The following ATXN1 variants were observed in gnomAD, a reference collection of about 807,000 sequenced individuals.
The protein encoded by ATXN1 is ataxin 1.
In ATXN1, 8 loss-of-function variants were observed where a neutral mutation model predicts 56.4. The observed-to-expected ratio is 0.14, with a 90% CI of 0.08 to 0.26. ATXN1 has a LOEUF of 0.26. Among genes scored for constraint, ATXN1 ranks in the 10% least tolerant of loss-of-function variants. ATXN1 has a pLI of 1.00. For missense variants in ATXN1, 987 were observed against 1,106.5 expected, an observed-to-expected ratio of 0.89 and a Z score of 1.53; for synonymous variants, 514 against 494.6, an observed-to-expected ratio of 1.04 and a Z score of -0.52.
At chr6:16,513,669 G>C (rs1238816378) in intron 5 of ATXN1, among the ~76,000 whole-genome samples, 1 of 152,120 alleles carries the variant, frequency 6.6e-6, no homozygotes, top group Non-Finnish European at 1.5e-5. Context: ...GCCAAGTGGG[G>C]TCCTATGCCT....
intron 2 of ATXN1, among the ~76,000 whole-genome samples, chr6:16,723,729 C>A (rs923825839): frequency 1.3e-5 from 2 of 151,962 alleles, no homozygotes; most frequent in African/African-American, 4.8e-5. Flanking sequence ...CACTTCCTTA[C>A]TTAGAAGGAA....
At chr6:16,694,748 G>GA (rs1759125449) in intron 2 of ATXN1, among the ~76,000 whole-genome samples, 1 of 152,022 alleles carries the variant, frequency 6.6e-6, no homozygotes, top group South Asian at 2.1e-4. Context: ...CCTGATAAGA[G>GA]GGTCCTACTA....
At chr6:16,408,971 T>A (rs546460433) in intron 6 of ATXN1, among the ~76,000 whole-genome samples, 1 of 152,316 alleles carries the variant, frequency 6.6e-6, no homozygotes, top group East Asian at 1.9e-4. Flanking sequence ...AGGTGCTTCA[T>A]AAAAATTGGT....
At chr6:16,599,529 G>T (rs969632691) in intron 3 of ATXN1, among the ~76,000 whole-genome samples, 1 of 151,980 alleles carries the variant, frequency 6.6e-6, no homozygotes, top group Non-Finnish European at 1.5e-5. Flanking sequence ...TGGCCAACAT[G>T]CTGAAACCTT....
At chr6:16,524,075 C>T (rs1431640797) in intron 4 of ATXN1, among the ~76,000 whole-genome samples, 1 of 152,182 alleles carries the variant, frequency 6.6e-6, no homozygotes, top group Non-Finnish European at 1.5e-5. Context: ...ACAGCTTTCC[C>T]GCCCTTTTCA....
At chr6:16,454,401 T>C (rs762092214) in intron 6 of ATXN1, among the ~76,000 whole-genome samples, 5 of 152,190 alleles carry the variant, frequency 3.3e-5, no homozygotes, top group Non-Finnish European at 7.3e-5. Context: ...GGCAGCAGCA[T>C]AATTGCATAA....
At chr6:16,312,146 G>A (rs796172833) in intron 7 of ATXN1, among the ~76,000 whole-genome samples, 40 of 152,130 alleles carry the variant, frequency 2.6e-4, no homozygotes, top group African/African-American at 8.4e-4. Context: ...GGATTTCCAC[G>A]TTACCAAGTA....
intron 2 of ATXN1, chr6:16,737,956 AT>A (rs1760195287): frequency 6.6e-6 from 1 of 152,222 alleles, no homozygotes; most frequent in South Asian, 2.1e-4. Context: ...CCAGTTAAGA[AT>A]TTTGAAAGCA....
At chr6:16,737,657 T>C (rs1193423614) in intron 2 of ATXN1, 1 of 152,136 alleles carries the variant, frequency 6.6e-6, no homozygotes, top group Non-Finnish European at 1.5e-5. Context: ...ATGCAAGAAG[T>C]TGGTCAGGAA....
intron 2 of ATXN1, among the ~76,000 whole-genome samples, chr6:16,671,477 T>C (rs1758541221): frequency 6.6e-6 from 1 of 152,186 alleles, no homozygotes; most frequent in Non-Finnish European, 1.5e-5. Context: ...TAAGTGTCTA[T>C]TTCTGAAGTG....
At chr6:16,500,315 G>A (rs759105270) in intron 5 of ATXN1, among the ~76,000 whole-genome samples, 11 of 152,144 alleles carry the variant, frequency 7.2e-5, no homozygotes, top group Non-Finnish European at 1.5e-4. Flanking sequence ...ACAGAACTTG[G>A]AAGTGGCAGA....
At chr6:16,471,484 A>G (rs1275110375) in intron 6 of ATXN1, among the ~76,000 whole-genome samples, 1 of 152,200 alleles carries the variant, frequency 6.6e-6, no homozygotes, top group Non-Finnish European at 1.5e-5. Flanking sequence ...GATAAGGCAG[A>G]CAGATTGGAT....
chr6:16,340,640 G>A (rs1754841041), intron 6 of ATXN1, among the ~76,000 whole-genome samples: 1 of 152,194 alleles, frequency 6.6e-6, no homozygotes, highest in African/African-American at 2.4e-5. Flanking sequence ...CTTGCAATTC[G>A]TGGTGCAGGC....
In ATXN1 at chr6:16,499,812, T is replaced by C. The variant is rs9477142; in HGVS notation, c.-298-13703A>G. ...AGTGTAGGTTGTAGAATTCTGGCTA[T>C]CATCAATTCAGCCAATGCAAGGAGT... On this transcript the variant is annotated intron_variant, in intron 5 of 7. Coordinates refer to ENST00000436367, the MANE Select transcript of ATXN1 (RefSeq NM_001128164.2). 5.4e-3 allele frequency among the ~76,000 whole-genome samples: 817 copies of C among 152,308 alleles called. 13 individuals carry two copies. The highest frequency in any genetic ancestry group is 0.018 in the African/African-American group (762 of 41,562).
chr6:16,421,928 G>T (rs1759044741), intron 6 of ATXN1, among the ~76,000 whole-genome samples: 1 of 152,200 alleles, frequency 6.6e-6, no homozygotes, highest in South Asian at 2.1e-4. Flanking sequence ...AGCCAAGATT[G>T]ACCTTTAAGC....
chr6:16,701,965 A>G (rs1215190713), intron 2 of ATXN1, among the ~76,000 whole-genome samples: 1 of 152,182 alleles, frequency 6.6e-6, no homozygotes, highest in Non-Finnish European at 1.5e-5. Context: ...GACTTTCTTC[A>G]CAGAATTGGA....
At chr6:16,342,090 GC>G (rs1761264004) in intron 6 of ATXN1, among the ~76,000 whole-genome samples, 1 of 151,048 alleles carries the variant, frequency 6.6e-6, no homozygotes, top group South Asian at 2.1e-4. Context: ...TACCATGTTG[GC>G]CAGGCTGGTC....
intron 6 of ATXN1, among the ~76,000 whole-genome samples, chr6:16,469,167 A>T (rs1047702033): frequency 1.3e-5 from 2 of 152,256 alleles, no homozygotes; most frequent in African/African-American, 4.8e-5. Context: ...ATGAGTGAGT[A>T]GCTTATTGAA....
At chr6:16,584,349 C>T (rs1762585758) in intron 4 of ATXN1, among the ~76,000 whole-genome samples, 1 of 150,262 alleles carries the variant, frequency 6.7e-6, no homozygotes, top group African/African-American at 2.4e-5. Flanking sequence ...AGCAGTATAA[C>T]TTCAGATACA....
Sources: gnomAD v4.1 joint callset for allele counts (sites outside exome capture counted in the v4.1 genomes callset) on GRCh38, gnomAD v4.1.1 for gene constraint, MANE v1.5 for transcripts, NCBI Gene and HGNC (gene_info 2026-07-23, HGNC 2026-07-21) for gene names.